PDZRN4: variants seen among roughly 807,000 people sequenced by gnomAD.
PDZRN4 encodes PDZ domain containing ring finger 4.
A neutral mutation model predicts 99.0 loss-of-function variants in PDZRN4; 70 were observed. The observed-to-expected ratio is 0.71, with a 90% CI of 0.58 to 0.86. The LOEUF is 0.86. Ranked by LOEUF, PDZRN4 falls within the 40% of genes least tolerant of loss-of-function variation. The pLI, the probability that PDZRN4 is intolerant of heterozygous loss-of-function variation, is 0.00. For missense variants in PDZRN4, 1,474 were observed against 1,331.2 expected (o/e 1.11, Z -1.67); for synonymous variants, 551 against 501.6 (o/e 1.10, Z -1.32).
At chr12:41,441,369 G>A (rs1429465000) in intron 3 of PDZRN4, among the ~76,000 whole-genome samples, 2 of 152,142 alleles carry the variant, frequency 1.3e-5, no homozygotes, top group African/African-American at 4.8e-5. Flanking sequence ...ACAACAGAGA[G>A]TACATTTATT....
intron 5 of PDZRN4, among the ~76,000 whole-genome samples, chr12:41,546,268 A>G (rs888489841): frequency 6.6e-6 from 1 of 152,218 alleles, no homozygotes; most frequent in African/African-American, 2.4e-5. Context: ...GTGGACAAAG[A>G]GAACAGGGTA....
At chr12:41,372,737 T>G (rs1224252543) in intron 3 of PDZRN4, among the ~76,000 whole-genome samples, 2 of 152,176 alleles carry the variant, frequency 1.3e-5, no homozygotes, top group Non-Finnish European at 2.9e-5. Context: ...GGCTAAATCA[T>G]GAAAGATCTT....
chr12:41,250,780 T>G (rs112250997), intron 3 of PDZRN4, among the ~76,000 whole-genome samples: 4,952 of 152,286 alleles, frequency 0.033, 143 homozygotes, highest in East Asian at 0.12. Context: ...AGTAAATCTT[T>G]CCTGGGTGTT....
rs1391489023 is a variant in PDZRN4 at position 41,573,682 on chromosome 12, TAG to T, written c.2906_2907del (p.Glu969ValfsTer11). 6.2e-7 allele frequency: 1 copy of T among 1,614,006 alleles called. No individual in the cohort carries two copies. The highest frequency in any genetic ancestry group is 8.5e-7 in the Non-Finnish European group (1 of 1,179,990). On this transcript the variant is annotated frameshift_variant, in exon 10 of 10. Transcript: ENST00000402685. LOFTEE classifies it high-confidence loss of function. ...CGTGAGTTCATGATGCGAAGCAGGT[TAG>T]AGTGTCTCAAGGAGAGCCCTCAGAG...
chr12:41,349,550 C>T (rs1305654525), intron 3 of PDZRN4, among the ~76,000 whole-genome samples: 2 of 151,852 alleles, frequency 1.3e-5, no homozygotes, highest in Non-Finnish European at 2.9e-5. Context: ...CTTTATGTAA[C>T]TGAAAAGACT....
intron 3 of PDZRN4, among the ~76,000 whole-genome samples, chr12:41,372,583 G>A (rs1165296887): frequency 1.3e-5 from 2 of 152,156 alleles, no homozygotes; most frequent in Non-Finnish European, 2.9e-5. Flanking sequence ...AGGTATACCA[G>A]AGGTATAAAC....
chr12:41,485,918 T>A (rs916202796), intron 3 of PDZRN4, among the ~76,000 whole-genome samples: 2 of 152,068 alleles, frequency 1.3e-5, no homozygotes, highest in African/African-American at 2.4e-5. Flanking sequence ...AGTTAAAAAA[T>A]TTAACACTTA....
intron 3 of PDZRN4, among the ~76,000 whole-genome samples, chr12:41,314,117 AG>A (rs1308506046): frequency 6.6e-6 from 1 of 152,208 alleles, no homozygotes; most frequent in African/African-American, 2.4e-5. Context: ...AAATGAATTC[AG>A]GTTTTATTAT....
chr12:41,423,774 C>T (rs936015015), intron 3 of PDZRN4, among the ~76,000 whole-genome samples: 2 of 152,072 alleles, frequency 1.3e-5, no homozygotes, highest in Non-Finnish European at 2.9e-5. Context: ...TGTAATCTTT[C>T]CAAATCATTC....
At chr12:41,261,034 T>C (rs1262765188) in intron 3 of PDZRN4, among the ~76,000 whole-genome samples, 2 of 152,196 alleles carry the variant, frequency 1.3e-5, no homozygotes, top group African/African-American at 4.8e-5. Flanking sequence ...AAATTGGTGA[T>C]GCAGAAAGAT....
intron 3 of PDZRN4, among the ~76,000 whole-genome samples, chr12:41,352,135 G>C (rs928541939): frequency 2.0e-5 from 3 of 151,868 alleles, no homozygotes; most frequent in Admixed American, 1.3e-4. Flanking sequence ...GATACTTTCT[G>C]ACAAGGGTGC....
intron 3 of PDZRN4, among the ~76,000 whole-genome samples, chr12:41,411,003 C>T (rs959672321): frequency 6.6e-6 from 1 of 151,614 alleles, no homozygotes; most frequent in Non-Finnish European, 1.5e-5. Flanking sequence ...CTCAGGCTCC[C>T]GAATAGCTAG....
chr12:41,324,476 C>G (rs1470734590), intron 3 of PDZRN4, among the ~76,000 whole-genome samples: 1 of 152,022 alleles, frequency 6.6e-6, no homozygotes, highest in Non-Finnish European at 1.5e-5. Context: ...AATTGAAGAG[C>G]TGTCTATCCA....
intron 3 of PDZRN4, among the ~76,000 whole-genome samples, chr12:41,270,040 G>A (rs1334615968): frequency 6.6e-6 from 1 of 151,988 alleles, no homozygotes; most frequent in Non-Finnish European, 1.5e-5. Context: ...GGTCATTGTG[G>A]TAAAGTGGAC....
intron 3 of PDZRN4, among the ~76,000 whole-genome samples, chr12:41,239,041 T>C (rs756842697): frequency 6.6e-6 from 1 of 152,080 alleles, no homozygotes; most frequent in South Asian, 2.1e-4. Context: ...CTATTCACAA[T>C]AGCAAAGACA....
At chr12:41,352,968 C>G in intron 3 of PDZRN4, among the ~76,000 whole-genome samples, 1 of 151,980 alleles carries the variant, frequency 6.6e-6, no homozygotes, top group Non-Finnish European at 1.5e-5. Context: ...ATGAATAACA[C>G]TGAGTTGGAG....
rs199803309 is a variant in PDZRN4, at chr12:41,573,128, C to T, written c.2349C>T (p.Ser783=). ...CAATGGCAGCCACCCAGTCCTCTTC[C>T]GGACAGAGCAGTAAAGAGTCGACCT... ...RSTMAATQSS[S]GQSSKESTST... is the part of the protein sequence containing the mutation. The change falls in exon 10 of 10, where the codon TCC becomes TCT. Residue 783 remains serine, a synonymous_variant. Transcript: ENST00000402685. The T allele has an allele frequency of 5.6e-6, 9 of 1,614,086 alleles. No individual in the cohort carries two copies. Among genetic ancestry groups the T allele is most frequent in the Middle Eastern group, 1.6e-4 (1 of 6,062 alleles).
intron 3 of PDZRN4, among the ~76,000 whole-genome samples, chr12:41,283,415 C>T (rs1314577420): frequency 1.3e-5 from 2 of 152,146 alleles, no homozygotes; most frequent in African/African-American, 4.8e-5. Context: ...GATTCACAGC[C>T]GAATTCTACC....
intron 3 of PDZRN4, among the ~76,000 whole-genome samples, chr12:41,207,590 A>T (rs935280557): frequency 7.9e-5 from 12 of 151,800 alleles, no homozygotes; most frequent in Admixed American, 6.6e-4. Flanking sequence ...CACATAATAT[A>T]AATTATATAC....
Sources: gnomAD v4.1 joint callset for allele counts (sites outside exome capture counted in the v4.1 genomes callset) on GRCh38, gnomAD v4.1.1 for gene constraint, MANE v1.5 for transcripts, NCBI Gene and HGNC (gene_info 2026-07-23, HGNC 2026-07-21) for gene names.